Variants in ITGA2B observed in about 807,000 individuals in gnomAD.
The protein encoded by ITGA2B is integrin subunit alpha 2b, also known as integrin alpha-IIb.
Under a neutral mutation model 142.0 loss-of-function variants are expected in ITGA2B, and 91 were observed. The observed-to-expected ratio is 0.64, with a 90% CI of 0.54 to 0.76. The LOEUF (loss-of-function observed/expected upper bound fraction) is 0.76, where lower values mean the gene tolerates loss of function less well. Among genes scored for constraint, ITGA2B ranks in the 30% least tolerant of loss-of-function variants. The pLI, the probability that ITGA2B is intolerant of heterozygous loss-of-function variation, is 0.00. For synonymous variants in ITGA2B, 536 were observed against 567.2 expected (o/e 0.94, Z 0.78); for missense variants, 1,231 against 1,350.8 (o/e 0.91, Z 1.39).
At chr17:44,376,256 T>G in intron 23 of ITGA2B, 52 bp downstream of exon 23, 1 of 1,613,550 alleles carries the variant, frequency 6.2e-7, no homozygotes, top group Non-Finnish European at 8.5e-7. Context: ...CAGCGCCCCC[T>G]GGAGTTTAGA....
rs1285653376 is a variant in ITGA2B, at chr17:44,375,919, G to A, written c.2515C>T (p.Gln839Ter). 6.2e-7 allele frequency: 1 copy of A among 1,613,694 alleles called. No individual in the cohort carries two copies. The highest frequency in any genetic ancestry group is 8.5e-7 in the Non-Finnish European group (1 of 1,179,918). ...HLSIHLPGQS[Q>*]PSDLLYILDI... ...AGGATGTAGAGCAGGTCGGAGGGCT[G>A]GGACTGTCCCGGAAGGTGGATGCTG... The change falls in exon 25 of 30, where the codon CAG (glutamine) becomes TAG (stop). Residue 839 changes from glutamine to a stop codon, truncating the protein, a stop_gained. Transcript: ENST00000262407. LOFTEE classifies it high-confidence loss of function.
At chr17:44,376,625 A>G (rs1299229990) in intron 22 of ITGA2B, among the ~76,000 whole-genome samples, 1 of 151,868 alleles carries the variant, frequency 6.6e-6, no homozygotes, top group African/African-American at 2.4e-5. Context: ...TTTGAGATAG[A>G]ATCTCGCACT....
chr17:44,376,402 G>C lies in ITGA2B; in HGVS notation c.2268-14C>G. The stretch of plus-strand genomic sequence containing the variant: ...TGGCTGTTCTTGCTAGAGGGGAGGG[G>C]ATGAGGAGAAACAGGGCCAGGGACA... On this transcript the variant is annotated splice_polypyrimidine_tract_variant and intron_variant, in intron 22 of 29. Coordinates refer to ENST00000262407, the MANE Select transcript of ITGA2B (RefSeq NM_000419.5). 2 of 1,614,038 alleles carry C rather than the reference G, an allele frequency of 1.2e-6. No homozygotes were observed. The highest frequency in any genetic ancestry group is 1.7e-6 in the Non-Finnish European group (2 of 1,179,890).
intron 13 of ITGA2B, 107 bp downstream of exon 13, chr17:44,380,772 G>T: frequency 6.3e-7 from 1 of 1,583,590 alleles, no homozygotes; most frequent in Non-Finnish European, 8.7e-7. Context: ...GCAGTCCATA[G>T]TGGGACACCA....
chr17:44,388,868 T>C (rs1041992487), intron 1 of ITGA2B, among the ~76,000 whole-genome samples: 2 of 148,416 alleles, frequency 1.3e-5, no homozygotes, highest in Non-Finnish European at 3.0e-5. Flanking sequence ...TTTCTCCATG[T>C]TGGTCAGGCT....
intron 29 of ITGA2B, chr17:44,374,148 T>C (rs2048518742): frequency 1.7e-6 from 1 of 599,502 alleles, no homozygotes; most frequent in South Asian, 1.8e-5. Context: ...TCAGGTGATC[T>C]AAACGCTTTG....
At chr17:44,382,682 C>G (rs1164624376) in intron 12 of ITGA2B, among the ~76,000 whole-genome samples, 1 of 151,998 alleles carries the variant, frequency 6.6e-6, no homozygotes, top group Admixed American at 6.6e-5. Flanking sequence ...CTGGCACCCT[C>G]TTCTTGCTAA....
Position 44,384,337 on chromosome 17 carries a change from G to T in ITGA2B, c.865C>A (p.Pro289Thr). The T allele has an allele frequency of 5.0e-6, 8 of 1,613,652 alleles. No homozygotes were observed. The highest frequency in any genetic ancestry group is 1.3e-5 in the African/African-American group (1 of 75,002). ...LNTTEYVVGAPTWSWTLGAVE... is the reference protein window; with the variant it reads ...LNTTEYVVGATTWSWTLGAVE... ...GCTCCCAGGGTCCAGCTCCAAGTGGGGGCACCGACGACATATTCTGGCGAT... is the reference window on the plus strand; with the variant it reads ...GCTCCCAGGGTCCAGCTCCAAGTGGTGGCACCGACGACATATTCTGGCGAT... The change falls in exon 9 of 30, where the codon CCC becomes ACC. Residue 289 changes from proline to threonine, a missense_variant. Transcript: ENST00000262407.
In ITGA2B at chr17:44,383,926, A is replaced by G. The variant is rs764677661; in HGVS notation, c.966T>C (p.His322=). The part of the protein sequence containing the change: ...RGEQMASYFG[H]SVAVTDVNGD... ...CGTTGACGTCAGTGACAGCCACTGA[A>G]TGCCCAAAATACGACGCCATCTGCA... The change falls in exon 11 of 30, where the codon CAT becomes CAC. Residue 322 remains histidine, a synonymous_variant. Coordinates refer to ENST00000262407, the MANE Select transcript of ITGA2B (RefSeq NM_000419.5). 3.1e-5 allele frequency: 50 copies of G among 1,614,028 alleles called. 4 individuals are homozygous for G. In the South Asian group the frequency reaches 5.5e-4, roughly 18 times the overall value.
chr17:44,374,421 C>A lies in ITGA2B; in HGVS notation c.2993G>T (p.Trp998Leu), dbSNP rs903418597. ...ACCCAGCACACCCACCAGCACCCAC[C>A]AGATTGGAATGGCCCTCTCCTCCAA... ...RALEERAIPI[W>L]WVLVGVLGGL... The change falls in exon 29 of 30, where the codon TGG becomes TTG. Residue 998 changes from tryptophan (W) to leucine (L), a missense_variant. By Grantham distance (61) the Trp-to-Leu change is moderately conservative. Coordinates refer to ENST00000262407, the MANE Select transcript of ITGA2B (RefSeq NM_000419.5). The A allele has an allele frequency of 8.6e-5, 138 of 1,614,010 alleles. No individual in the cohort carries two copies. Among genetic ancestry groups the A allele is most frequent in the Non-Finnish European group, 1.1e-4 (134 of 1,180,028 alleles).
intron 29 of ITGA2B, among the ~76,000 whole-genome samples, chr17:44,373,449 A>G (rs1347753182): frequency 6.6e-6 from 1 of 152,148 alleles, no homozygotes; most frequent in African/African-American, 2.4e-5. Flanking sequence ...AATTTTTCTT[A>G]TACTGAAGTT....
rs372316950 is a variant in ITGA2B, at chr17:44,380,115, G to A, written c.1639C>T (p.Arg547Cys). The part of the protein sequence containing the change: ...AELQLDRQKP[R>C]QGRRVLLLGS... ...AGCAGCAGCACCCGCCGGCCCTGGC[G>A]GGGCTTCTGCCGGTCCAGCTGCAGC... is the stretch of plus-strand genomic sequence containing the variant. Residue 547 changes from arginine (R) to cysteine (C), a missense_variant, in exon 17 of 30, where the codon CGC becomes TGC. This residue lies in a region of ITGA2B where 908 missense variants were observed against 1,021.1 expected (regional missense o/e 0.89). Coordinates refer to ENST00000262407, the MANE Select transcript of ITGA2B (RefSeq NM_000419.5). The A allele has an allele frequency of 4.5e-5, 72 of 1,613,808 alleles. No homozygotes were observed. Among genetic ancestry groups the A allele is most frequent in the South Asian group, 5.5e-5 (5 of 91,084 alleles).
chr17:44,385,650 C>T lies in ITGA2B; in HGVS notation c.475G>A (p.Gly159Ser), dbSNP rs773089115. 6.2e-7 allele frequency: 1 copy of T among 1,613,658 alleles called. No individual in the cohort carries two copies. Among genetic ancestry groups the T allele is most frequent in the South Asian group, 1.1e-5 (1 of 91,082 alleles). ...TCTGGCTGAGCCAAAAAGCAGCTAC[C>T]TACGGGCGTCTTCTCAGCCTCCTCA... The part of the protein sequence containing the change: ...KTEEAEKTPV[G>S]SCFLAQPESG... Residue 159 changes from glycine (G) to serine (S), a missense_variant, in exon 4 of 30, where the codon GGT becomes AGT. Physicochemically the swap from Gly to Ser is moderately conservative, Grantham distance 56 (BLOSUM62 0). Coordinates refer to ENST00000262407, the MANE Select transcript of ITGA2B (RefSeq NM_000419.5).
Position 44,383,957 on chromosome 17 carries a change from A to T in ITGA2B, c.946-11T>A. The T allele has an allele frequency of 2.5e-6, 4 of 1,614,076 alleles. No homozygotes were observed. The highest frequency in any genetic ancestry group is 3.4e-6 in the Non-Finnish European group (4 of 1,180,006). On this transcript the variant is annotated splice_polypyrimidine_tract_variant and intron_variant, in intron 10 of 29. Transcript: ENST00000262407. ...AAAATACGACGCCATCTGCAAGATG[A>T]GGAGCACCATCATTCACGCCGCTGG...
intron 29 of ITGA2B, chr17:44,374,067 G>A (rs539031758): frequency 3.4e-4 from 135 of 394,252 alleles, no homozygotes; most frequent in Middle Eastern, 8.3e-4. Context: ...CAACACGCCC[G>A]GCTAATTTTG....
rs138001167 is a variant in ITGA2B at position 44,381,490 on chromosome 17, C to T, written c.1211-429G>A. On this transcript the variant is annotated intron_variant, in intron 12 of 29. Coordinates refer to ENST00000262407, the MANE Select transcript of ITGA2B (RefSeq NM_000419.5). Reference sequence around the variant, plus strand: ...GATTACAGGCGCCTACCACCATGCCCGGCTAATTTTTGTATTTTCAGTAGA... The same window carrying T: ...GATTACAGGCGCCTACCACCATGCCTGGCTAATTTTTGTATTTTCAGTAGA... Among the ~76,000 whole-genome samples the T allele has an allele frequency of 3.1e-3, 466 of 152,044 alleles. 3 individuals are homozygous for T. The highest frequency in any genetic ancestry group is 0.011 in the African/African-American group (451 of 41,470).
chr17:44,384,711 C>G, intron 7 of ITGA2B, 126 bp from the exon 8 acceptor site: 1 of 1,312,156 alleles, frequency 7.6e-7, no homozygotes, highest in South Asian at 1.2e-5. Flanking sequence ...AAAACGGAGG[C>G]CTTCGAGGGG....
intron 27 of ITGA2B, 30 bp from the exon 28 acceptor site, chr17:44,374,790 C>T: frequency 6.3e-7 from 1 of 1,583,196 alleles, no homozygotes; most frequent in Non-Finnish European, 8.7e-7. Context: ...AAGCCGTTTA[C>T]ACCCACAAGA....
rs563779161 is a variant in ITGA2B, at chr17:44,387,379, C to T, written c.189-1248G>A. On this transcript the variant is annotated intron_variant, in intron 1 of 29. Coordinates refer to ENST00000262407, the MANE Select transcript of ITGA2B (RefSeq NM_000419.5). The stretch of plus-strand genomic sequence containing the variant: ...CTCTACTAAAAATACAAAAATTAGC[C>T]GGGCATGGTGGCATGCACCTGTAAT... 3.7e-3 allele frequency among the ~76,000 whole-genome samples: 553 copies of T among 150,954 alleles called. 3 individuals carry two copies. Among genetic ancestry groups the T allele is most frequent in the African/African-American group, 0.013 (520 of 41,070 alleles).
Sources: gnomAD v4.1 joint callset for allele counts (sites outside exome capture counted in the v4.1 genomes callset) on GRCh38, gnomAD v4.1.1 for gene constraint, gnomAD v4.1.1 regional missense constraint, MANE v1.5 for transcripts, NCBI Gene and HGNC (gene_info 2026-07-23, HGNC 2026-07-21) for gene names.